CSGALNACT1: variants seen among roughly 807,000 people sequenced by gnomAD.
The protein encoded by CSGALNACT1 is beta4GalNAcT-1.
In CSGALNACT1, 52 loss-of-function variants were observed where a neutral mutation model predicts 51.0. The ratio of observed to expected loss-of-function variants is 1.02; its 90% CI spans 0.82 to 1.29. CSGALNACT1 has a LOEUF of 1.29. Among genes scored for constraint, CSGALNACT1 ranks in the 50% most tolerant of loss-of-function variants. The probability of loss-of-function intolerance (pLI) is 0.00; values close to 1 mark genes in which losing one functional copy is unlikely to be tolerated. For missense variants in CSGALNACT1, 935 were observed against 679.2 expected (o/e 1.38, Z -4.19); for synonymous variants, 341 against 254.4 (o/e 1.34, Z -3.24).
At chr8:19,666,987 GAAA>G (rs1564385440) in intron 1 of CSGALNACT1, among the ~76,000 whole-genome samples, 3,464 of 24,688 alleles carry the variant, frequency 0.14, 226 homozygotes, top group Middle Eastern at 0.33. Flanking sequence ...AAGAAAGAAA[GAAA>G]GAAAGAAAGA....
intron 3 of CSGALNACT1, among the ~76,000 whole-genome samples, chr8:19,559,362 C>T (rs188863348): frequency 7.2e-5 from 11 of 152,262 alleles, no homozygotes; most frequent in Non-Finnish European, 1.3e-4. Flanking sequence ...TACAAAAATA[C>T]TACCGCAAAC....
chr8:19,697,729 T>A (rs936042433), intron 1 of CSGALNACT1, among the ~76,000 whole-genome samples: 11 of 151,894 alleles, frequency 7.2e-5, no homozygotes. Context: ...CTGTGGGACA[T>A]GTGGACTTGA....
At chr8:19,425,488 C>T (rs2058635698) in intron 6 of CSGALNACT1, among the ~76,000 whole-genome samples, 1 of 152,166 alleles carries the variant, frequency 6.6e-6, no homozygotes, top group African/African-American at 2.4e-5. Flanking sequence ...ATTTACTGAG[C>T]ATGAGGCAAT....
intron 1 of CSGALNACT1, among the ~76,000 whole-genome samples, chr8:19,637,049 A>G (rs1354189549): frequency 6.6e-6 from 1 of 151,954 alleles, no homozygotes; most frequent in Admixed American, 6.6e-5. Flanking sequence ...AAAATAGAAC[A>G]ATTAGCCAGA....
At chr8:19,659,880 C>A (rs1214622056) in intron 1 of CSGALNACT1, among the ~76,000 whole-genome samples, 1 of 152,206 alleles carries the variant, frequency 6.6e-6, no homozygotes, top group Admixed American at 6.5e-5. Flanking sequence ...GCCTACTTAT[C>A]CTCTTGCCTG....
intron 1 of CSGALNACT1, among the ~76,000 whole-genome samples, chr8:19,676,910 G>A (rs780734194): frequency 4.6e-5 from 7 of 152,178 alleles, no homozygotes; most frequent in African/African-American, 1.2e-4. Context: ...AGCCCGATTA[G>A]AACTGAGAGC....
intron 4 of CSGALNACT1, among the ~76,000 whole-genome samples, chr8:19,465,886 T>C (rs1429148368): frequency 1.3e-5 from 2 of 152,194 alleles, no homozygotes; most frequent in Admixed American, 1.3e-4. Flanking sequence ...GGAGTCACTT[T>C]TCATATGCAG....
chr8:19,563,600 C>T (rs903368866), intron 3 of CSGALNACT1, among the ~76,000 whole-genome samples: 1 of 152,106 alleles, frequency 6.6e-6, no homozygotes, highest in Non-Finnish European at 1.5e-5. Context: ...TTGAATATGC[C>T]TGCTTCCTCC....
chr8:19,736,422 A>G (rs1445986986), intron 1 of CSGALNACT1, among the ~76,000 whole-genome samples: 3 of 151,688 alleles, frequency 2.0e-5, no homozygotes, highest in Non-Finnish European at 4.4e-5. Context: ...ACTGCTGACT[A>G]TGTCTTTTCC....
chr8:19,641,023 C>G (rs1025065999), intron 1 of CSGALNACT1, among the ~76,000 whole-genome samples: 7 of 151,834 alleles, frequency 4.6e-5, no homozygotes, highest in South Asian at 2.1e-4. Context: ...AAACACAAAG[C>G]AGGATCATTT....
intron 6 of CSGALNACT1, among the ~76,000 whole-genome samples, chr8:19,435,321 C>T (rs549652553): frequency 6.6e-6 from 1 of 152,044 alleles, no homozygotes; most frequent in Non-Finnish European, 1.5e-5. Flanking sequence ...GGTGAAACCC[C>T]ATCTCTTCTA....
At chr8:19,530,388 T>C (rs934615369) in intron 3 of CSGALNACT1, among the ~76,000 whole-genome samples, 2 of 152,098 alleles carry the variant, frequency 1.3e-5, no homozygotes, top group African/African-American at 4.8e-5. Context: ...TATATGTAAG[T>C]GTATATATAA....
intron 1 of CSGALNACT1, among the ~76,000 whole-genome samples, chr8:19,627,333 C>T (rs1464767528): frequency 2.6e-5 from 4 of 152,030 alleles, no homozygotes; most frequent in Non-Finnish European, 5.9e-5. Context: ...CAAAAACTGA[C>T]GGAGCATGGA....
chr8:19,451,652 C>T (rs552172271), intron 5 of CSGALNACT1, among the ~76,000 whole-genome samples: 23 of 152,164 alleles, frequency 1.5e-4, no homozygotes, highest in Non-Finnish European at 1.3e-4. Flanking sequence ...TCCCCAAGAC[C>T]GCTTTGTGCC....
chr8:19,457,402 C>G (rs1240056167), intron 5 of CSGALNACT1: 3 of 354,778 alleles, frequency 8.5e-6, no homozygotes, highest in Admixed American at 7.6e-5. Flanking sequence ...CACCTGAGAT[C>G]AGGAGTTCAA....
At chr8:19,749,592 C>A (rs566508480) in intron 1 of CSGALNACT1, among the ~76,000 whole-genome samples, 1 of 152,254 alleles carries the variant, frequency 6.6e-6, no homozygotes, top group South Asian at 2.1e-4. Context: ...ATCATAAAAC[C>A]ACTTGGAACA....
intron 3 of CSGALNACT1, among the ~76,000 whole-genome samples, chr8:19,538,864 G>A (rs1248695153): frequency 6.6e-6 from 1 of 151,998 alleles, no homozygotes; most frequent in Non-Finnish European, 1.5e-5. Flanking sequence ...AGCCTACCAA[G>A]GTCAACCTTG....
intron 3 of CSGALNACT1, among the ~76,000 whole-genome samples, chr8:19,575,482 A>G (rs2043989138): frequency 6.6e-6 from 1 of 152,232 alleles, no homozygotes; most frequent in Admixed American, 6.5e-5. Flanking sequence ...TTAAATAGAC[A>G]TCTTTTGGAA....
chr8:19,570,914 A>C (rs2042892281), intron 3 of CSGALNACT1, among the ~76,000 whole-genome samples: 1 of 152,198 alleles, frequency 6.6e-6, no homozygotes, highest in South Asian at 2.1e-4. Flanking sequence ...TCCATCTCAA[A>C]AAACAAACAA....
Sources: allele counts gnomAD v4.1 joint callset (sites outside exome capture counted in the v4.1 genomes callset), GRCh38; gene constraint gnomAD v4.1.1; transcripts MANE v1.5; gene names NCBI Gene and HGNC (gene_info 2026-07-23, HGNC 2026-07-21).